The following NBPF11 variants were observed in gnomAD, a reference collection of about 807,000 sequenced individuals.
The protein encoded by NBPF11 is NBPF member 11, also known as NBPF family member NBPF11.
A neutral mutation model predicts 93.9 loss-of-function variants in NBPF11; 72 were observed. The observed-to-expected ratio is 0.77, with a 90% confidence interval of 0.63 to 0.93. The LOEUF is 0.93. Among genes scored for constraint, NBPF11 ranks in the 40% least tolerant of loss-of-function variants. The pLI, the probability that NBPF11 is intolerant of heterozygous loss-of-function variation, is 0.00. For synonymous variants in NBPF11, 224 were observed against 304.9 expected (o/e 0.73, Z 2.76); for missense variants, 705 against 802.2 (o/e 0.88, Z 1.46).
At chr1:148,133,612 G>A (rs1292291171) in intron 4 of NBPF11, among the ~76,000 whole-genome samples, 16,256 of 151,982 alleles carry the variant, frequency 0.11, 1,191 homozygotes, top group East Asian at 0.25. Flanking sequence ...TTTCTCTTTT[G>A]CCCTGGTAAT....
chr1:148,119,622 C>T (rs1161574070), intron 10 of NBPF11, among the ~76,000 whole-genome samples: 3 of 151,878 alleles, frequency 2.0e-5, no homozygotes, highest in Admixed American at 6.5e-5. Flanking sequence ...TTCACTCTCA[C>T]CAAGCTACTC....
intron 4 of NBPF11, among the ~76,000 whole-genome samples, chr1:148,130,885 C>T (rs1370636471): frequency 6.6e-6 from 1 of 151,804 alleles, no homozygotes; most frequent in Admixed American, 6.6e-5. Flanking sequence ...TGAAATGATA[C>T]CTGTGTTCTT....
intron 20 of NBPF11, 109 bp from the exon 21 acceptor site, chr1:148,106,341 C>T (rs1663608416): frequency 6.9e-6 from 5 of 728,256 alleles, no homozygotes; most frequent in Non-Finnish European, 1.3e-5. Flanking sequence ...AGCATGAGAA[C>T]AGGACAATGT....
At position 148,127,030 on chromosome 1, in the gene NBPF11, A is replaced by G. The variant is rs1553273352; in HGVS notation, c.-27T>C. 2.7e-3 allele frequency: 1,694 copies of G among 626,742 alleles called. 25 individuals are homozygous for G. Among genetic ancestry groups the G allele is most frequent in the South Asian group, 0.016 (923 of 58,680 alleles). The allele number at this position is 626,742 out of a possible 1,614,324, so 38.8% of individuals were successfully genotyped here. A position where few individuals can be genotyped will look rare whatever the true frequency, so the allele number is the denominator to read the frequency against. On this transcript the variant is annotated 5_prime_UTR_variant, in exon 5 of 24. Transcript: ENST00000682118. ...CTGACGTTTGTGGCAGAAGAGGTGGAGTCAGGGACTGGGGAGAAGAAACCC... is the reference window on the plus strand; with the variant it reads ...CTGACGTTTGTGGCAGAAGAGGTGGGGTCAGGGACTGGGGAGAAGAAACCC...
chr1:148,134,638 T>C (rs1670969210), intron 4 of NBPF11, among the ~76,000 whole-genome samples: 1 of 150,784 alleles, frequency 6.6e-6, no homozygotes, highest in South Asian at 2.1e-4. Context: ...GGAGTCAAGA[T>C]ATTGTTATTT....
At chr1:148,146,833 T>G (rs1306283644) in intron 1 of NBPF11, 2 of 1,613,632 alleles carry the variant, frequency 1.2e-6, no homozygotes, top group African/African-American at 1.3e-5. Flanking sequence ...CACCTACGAC[T>G]CCTCCGGCTA....
chr1:148,120,350 C>A (rs1379214363), intron 10 of NBPF11, 151 bp downstream of exon 10: 8 of 658,592 alleles, frequency 1.2e-5, no homozygotes, highest in East Asian at 2.7e-5. Flanking sequence ...CTCTGTCTTC[C>A]AACTTTAACA....
Position 148,105,498 on chromosome 1 carries a change from C to G in NBPF11, c.2334G>C (p.Glu778Asp), listed in dbSNP as rs1450594216. ...RLSRELLEVV[E>D]PEVLQDSLDV... ...CCAGTGAGTCCTGCAAGACTTCAGGCTCTACTACCTCCAGCAGCTCCCTGC... is the reference window on the plus strand; with the variant it reads ...CCAGTGAGTCCTGCAAGACTTCAGGGTCTACTACCTCCAGCAGCTCCCTGC... The change falls in exon 22 of 24, where the codon GAG becomes GAC. Residue 778 changes from glutamate (E) to aspartate (D), a missense_variant. Coordinates refer to ENST00000682118, the MANE Select transcript of NBPF11 (RefSeq NM_001385469.3). The G allele has an allele frequency of 9.7e-7, 1 of 1,031,940 alleles. No homozygotes were observed. The highest frequency in any genetic ancestry group is 2.2e-5 in the African/African-American group (1 of 45,380). The allele number at this position is 1,031,940 out of a possible 1,614,324, so 63.9% of individuals were successfully genotyped here.
At chr1:148,116,680 C>T (rs1484388955) in intron 12 of NBPF11, 145 bp from the exon 13 acceptor site, 6 of 593,268 alleles carry the variant, frequency 1.0e-5, no homozygotes, top group Non-Finnish European at 1.8e-5. Flanking sequence ...TAACAGAATG[C>T]CCTGGCATGG....
At chr1:148,125,286 G>C (rs1280087751) in intron 5 of NBPF11, among the ~76,000 whole-genome samples, 1 of 151,920 alleles carries the variant, frequency 6.6e-6, no homozygotes, top group East Asian at 1.9e-4. Flanking sequence ...CCTGAGGTCT[G>C]ACTCTGAATG....
At chr1:148,149,035 A>T in intron 1 of NBPF11, 1 of 737,862 alleles carries the variant, frequency 1.4e-6, no homozygotes, top group South Asian at 1.8e-5. Flanking sequence ...CCTGAGCCTG[A>T]CCCACTGACT....
intron 12 of NBPF11, among the ~76,000 whole-genome samples, chr1:148,116,819 G>A (rs1371369887): frequency 2.6e-5 from 4 of 152,048 alleles, no homozygotes; most frequent in Admixed American, 2.6e-4. Context: ...GACTTTGGCA[G>A]CTGTCTCCCC....
At chr1:148,148,344 G>T (rs1647277993) in intron 1 of NBPF11, among the ~76,000 whole-genome samples, 1 of 152,344 alleles carries the variant, frequency 6.6e-6, no homozygotes, top group South Asian at 2.1e-4. Flanking sequence ...TAGAGCGTGT[G>T]GGAGGAGAGT....
chr1:148,148,444 C>A (rs1647303534), intron 1 of NBPF11, among the ~76,000 whole-genome samples: 2 of 152,098 alleles, frequency 1.3e-5, no homozygotes, highest in African/African-American at 2.4e-5. Flanking sequence ...GCTGGATCAG[C>A]TGGGTCAGGG....
intron 14 of NBPF11, among the ~76,000 whole-genome samples, chr1:148,115,419 A>G (rs1553269293): frequency 1.3e-5 from 2 of 150,084 alleles, no homozygotes; most frequent in Non-Finnish European, 1.5e-5. Flanking sequence ...TTCCAAATAC[A>G]AAGGCAAGGC....
intron 21 of NBPF11, among the ~76,000 whole-genome samples, 193 bp from the exon 22 acceptor site, chr1:148,105,721 G>GACAC (rs781939834): frequency 0.083 from 7,922 of 95,742 alleles, 590 homozygotes; most frequent in Non-Finnish European, 0.099. Flanking sequence ...GAGAAAGACA[G>GACAC]ACACACACAC....
chr1:148,109,139 T>C, intron 17 of NBPF11, 145 bp downstream of exon 17: 2 of 763,718 alleles, frequency 2.6e-6, no homozygotes, highest in Middle Eastern at 3.6e-4. Context: ...TTTACTCTAA[T>C]GAGAACCAAA....
chr1:148,118,376 T>G (rs1433388935), intron 11 of NBPF11, among the ~76,000 whole-genome samples: 2 of 151,670 alleles, frequency 1.3e-5, no homozygotes, highest in Non-Finnish European at 2.9e-5. Flanking sequence ...TTGTGTTATG[T>G]AAATTTCACA....
chr1:148,147,419 C>T (rs1673353268), intron 1 of NBPF11, among the ~76,000 whole-genome samples: 3 of 152,062 alleles, frequency 2.0e-5, no homozygotes, highest in Non-Finnish European at 4.4e-5. Context: ...CCGCAGCACA[C>T]ATCCGAGGTC....
Sources: allele counts gnomAD v4.1 joint callset (sites outside exome capture counted in the v4.1 genomes callset), GRCh38; gene constraint gnomAD v4.1.1; transcripts MANE v1.5; gene names NCBI Gene and HGNC (gene_info 2026-07-23, HGNC 2026-07-21).